The following ANKRD36C variants were observed in gnomAD, a reference collection of about 807,000 sequenced individuals.
ANKRD36C encodes ankyrin repeat domain-containing protein 36C.
In ANKRD36C, 61 loss-of-function variants were observed where a neutral mutation model predicts 276.4. The observed-to-expected ratio is 0.22, with a 90% CI of 0.18 to 0.27. The LOEUF (loss-of-function observed/expected upper bound fraction) is 0.27. ANKRD36C is among the 10% of genes least tolerant of loss of function. The probability of loss-of-function intolerance (pLI) is 1.00; values close to 1 mark genes in which losing one functional copy is unlikely to be tolerated. For missense variants in ANKRD36C, 1,447 were observed against 2,032.3 expected (o/e 0.71, Z 5.54); for synonymous variants, 483 against 680.1 (o/e 0.71, Z 4.51).
chr2:95,910,479 T>C (rs1242549949), intron 42 of ANKRD36C, 34 bp from the exon 46 acceptor site: 5 of 1,597,782 alleles, frequency 3.1e-6, no homozygotes, highest in Non-Finnish European at 4.3e-6. Context: ...AATAAATAAA[T>C]AAAGTATGTT....
At chr2:95,940,930 A>G (rs1300849892) in intron 20 of ANKRD36C, among the ~76,000 whole-genome samples, 2 of 148,066 alleles carry the variant, frequency 1.4e-5, no homozygotes, top group Admixed American at 6.7e-5. Context: ...TTAATAAATT[A>G]TATTTATAAT....
intron 60 of ANKRD36C, among the ~76,000 whole-genome samples, chr2:95,865,888 T>C (rs1360794101): frequency 1.3e-5 from 2 of 152,080 alleles, no homozygotes; most frequent in African/African-American, 4.8e-5. Flanking sequence ...TTTACTGAAG[T>C]ATTAAATTGC....
At chr2:95,953,074 T>C (rs1328324297) in intron 14 of ANKRD36C, among the ~76,000 whole-genome samples, 1 of 152,266 alleles carries the variant, frequency 6.6e-6, no homozygotes, top group Non-Finnish European at 1.5e-5. Flanking sequence ...CATAAAAATA[T>C]GAAGAGTCTC....
At chr2:95,873,737 T>C (rs1675871085) in intron 59 of ANKRD36C, among the ~76,000 whole-genome samples, 1 of 152,240 alleles carries the variant, frequency 6.6e-6, no homozygotes, top group South Asian at 2.1e-4. Context: ...GAAGTCAAAT[T>C]GTCCCTGTTT....
At chr2:95,912,130 T>G in intron 42 of ANKRD36C, 114 bp downstream of exon 44, 1 of 1,415,868 alleles carries the variant, frequency 7.1e-7, no homozygotes, top group Non-Finnish European at 9.6e-7. Flanking sequence ...ATGAAGAATC[T>G]CAGGCCTGCT....
intron 19 of ANKRD36C, among the ~76,000 whole-genome samples, chr2:95,943,892 T>C (rs1677964813): frequency 6.6e-6 from 1 of 152,136 alleles, no homozygotes; most frequent in Admixed American, 6.5e-5. Context: ...GTGTGATGAT[T>C]TGATCCATCT....
intron 24 of ANKRD36C, 57 bp from the exon 25 acceptor site, chr2:95,929,324 T>C (rs1314277046): frequency 7.0e-6 from 11 of 1,577,144 alleles, no homozygotes; most frequent in East Asian, 2.3e-5. Context: ...ATGTTATCCA[T>C]ACATTAATGC....
At chr2:95,890,499 A>T (rs1676317445) in intron 46 of ANKRD36C, among the ~76,000 whole-genome samples, 1 of 151,522 alleles carries the variant, frequency 6.6e-6, no homozygotes, top group African/African-American at 2.4e-5. Context: ...CCTCAGTGGA[A>T]GTGTCCTAAA....
At chr2:95,851,052 AT>A (rs1450895544), downstream of ANKRD36C, 1 of 669,526 alleles carries the variant, frequency 1.5e-6, no homozygotes, top group Non-Finnish European at 2.7e-6. Flanking sequence ...GTAAGAAAAA[AT>A]ATTTAATGTA....
intron 36 of ANKRD36C, 29 bp from the exon 39 acceptor site, chr2:95,916,200 T>C (rs1677091144): frequency 1.2e-6 from 2 of 1,602,438 alleles, no homozygotes; most frequent in Admixed American, 1.7e-5. Context: ...ACGTAATCAC[T>C]CACTCGTAAA....
chr2:95,926,196 G>A (rs765146503), intron 28 of ANKRD36C, among the ~76,000 whole-genome samples: 41 of 151,374 alleles, frequency 2.7e-4, no homozygotes, highest in African/African-American at 9.0e-4. Context: ...AAGGTTCTTC[G>A]TCCACTCATG....
Position 95,920,026 on chromosome 2 carries a change from T to C in ANKRD36C, c.2245+1581A>G, listed in dbSNP as rs1230473627. 1.5e-4 allele frequency: 189 copies of C among 1,288,056 alleles called. 11 individuals carry two copies. The highest frequency in any genetic ancestry group is 2.9e-4 in the Admixed American group (12 of 41,902). 79.8% of individuals were successfully genotyped at this position (1,288,056 alleles called of 1,614,324 possible). On this transcript the variant is annotated intron_variant, in intron 34 of 66. Coordinates refer to ENST00000456556, the Ensembl canonical transcript of ANKRD36C. Reference sequence around the variant, plus strand: ...AGCTGTATCCTTCTGCCTGTACTAGTGTAGGCTCTGATGTCTTCTACTTTG... The same window carrying C: ...AGCTGTATCCTTCTGCCTGTACTAGCGTAGGCTCTGATGTCTTCTACTTTG...
At chr2:95,866,629 G>T (rs1472305950) in intron 60 of ANKRD36C, among the ~76,000 whole-genome samples, 1 of 152,066 alleles carries the variant, frequency 6.6e-6, no homozygotes, top group Non-Finnish European at 1.5e-5. Context: ...AATAAATGCA[G>T]CAGTAGTGTG....
chr2:95,914,431 T>A, intron 38 of ANKRD36C, 128 bp from the exon 41 acceptor site: 2 of 1,237,522 alleles, frequency 1.6e-6, no homozygotes, highest in Non-Finnish European at 2.3e-6. Flanking sequence ...TGGCTTCTAC[T>A]TTGTGTCTGG....
At chr2:95,870,268 T>C (rs1441001234) in intron 59 of ANKRD36C, among the ~76,000 whole-genome samples, 2 of 151,954 alleles carry the variant, frequency 1.3e-5, no homozygotes, top group Admixed American at 1.3e-4. Context: ...CACCCCCAGG[T>C]AGGGGCAGAC....
chr2:95,857,843 G>A (rs141565751), intron 61 of ANKRD36C, among the ~76,000 whole-genome samples: 2 of 144,870 alleles, frequency 1.4e-5, no homozygotes, highest in Non-Finnish European at 3.1e-5. Flanking sequence ...ATTCAGCTGA[G>A]ACCCAGGCAC....
At chr2:95,856,943 C>A (rs973789701) in intron 62 of ANKRD36C, among the ~76,000 whole-genome samples, 11 of 152,006 alleles carry the variant, frequency 7.2e-5, no homozygotes, top group African/African-American at 2.7e-4. Flanking sequence ...CTATAAAGCT[C>A]TTCTTAGAAA....
At chr2:95,880,435 G>A (rs1444527658) in exon 58 of ANKRD36C, 2 of 1,553,794 alleles carry the variant, frequency 1.3e-6, no homozygotes, top group South Asian at 2.4e-5. Flanking sequence ...ACCTGGTGTG[G>A]ATGTTTGTAC....
intron 6 of ANKRD36C, among the ~76,000 whole-genome samples, chr2:95,972,227 G>C (rs1339063475): frequency 2.0e-5 from 3 of 152,148 alleles, no homozygotes; most frequent in Non-Finnish European, 2.9e-5. Flanking sequence ...TAAACTGTTT[G>C]CATAAACAAT....
Sources: gnomAD v4.1 joint callset for allele counts (sites outside exome capture counted in the v4.1 genomes callset) on GRCh38, gnomAD v4.1.1 for gene constraint, MANE v1.5 for transcripts, NCBI Gene and HGNC (gene_info 2026-07-23, HGNC 2026-07-21) for gene names.